The following MACROD2 variants were observed in gnomAD, a reference collection of about 807,000 sequenced individuals.
The protein encoded by MACROD2 is mono-ADP ribosylhydrolase 2.
A neutral mutation model predicts 70.4 loss-of-function variants in MACROD2; 36 were observed. The ratio of observed to expected loss-of-function variants is 0.51; its 90% confidence interval spans 0.39 to 0.68. The LOEUF (loss-of-function observed/expected upper bound fraction) is 0.68. Ranked by LOEUF, MACROD2 falls within the 30% of genes least tolerant of loss-of-function variation. The probability of loss-of-function intolerance (pLI) is 0.00; values close to 1 mark genes in which losing one functional copy is unlikely to be tolerated. For missense variants in MACROD2, 496 were observed against 538.4 expected (o/e 0.92, Z 0.78); for synonymous variants, 172 against 178.8 (o/e 0.96, Z 0.30).
intron 6 of MACROD2, among the ~76,000 whole-genome samples, chr20:15,249,252 G>A (rs1466997519): frequency 2.6e-5 from 4 of 152,152 alleles, no homozygotes; most frequent in African/African-American, 9.7e-5. Flanking sequence ...AGTCTGCAGG[G>A]GAACGCTGCA....
chr20:15,173,116 T>G (rs1395207777), intron 5 of MACROD2, among the ~76,000 whole-genome samples: 1 of 149,762 alleles, frequency 6.7e-6, no homozygotes, highest in Admixed American at 6.6e-5. Context: ...GGGACTCAAA[T>G]ATTTTGCAAA....
intron 5 of MACROD2, among the ~76,000 whole-genome samples, chr20:15,162,859 G>A (rs187863734): frequency 6.6e-6 from 1 of 152,138 alleles, no homozygotes; most frequent in Admixed American, 6.6e-5. Flanking sequence ...TATCAAAGAG[G>A]TTTATAAGAC....
At chr20:14,342,473 G>C (rs770672978) in intron 3 of MACROD2, among the ~76,000 whole-genome samples, 12 of 152,098 alleles carry the variant, frequency 7.9e-5, no homozygotes, top group Non-Finnish European at 1.5e-4. Flanking sequence ...ATGCATGTCA[G>C]GGCACATCAG....
intron 8 of MACROD2, among the ~76,000 whole-genome samples, chr20:15,587,322 C>T (rs942194248): frequency 2.6e-5 from 4 of 152,284 alleles, no homozygotes; most frequent in Non-Finnish European, 4.4e-5. Context: ...GGGTCCCTCC[C>T]ACAACACGTG....
intron 12 of MACROD2, among the ~76,000 whole-genome samples, chr20:15,953,381 CAAAGA>C (rs2065933107): frequency 6.6e-6 from 1 of 151,950 alleles, no homozygotes; most frequent in Admixed American, 6.6e-5. Context: ...GTTCCCAAAA[CAAAGA>C]AATGATAAAT....
At chr20:15,045,273 A>G (rs2075384442) in intron 5 of MACROD2, among the ~76,000 whole-genome samples, 1 of 152,208 alleles carries the variant, frequency 6.6e-6, no homozygotes, top group African/African-American at 2.4e-5. Context: ...GCTCTTCTAA[A>G]TAATGTCTGA....
At chr20:15,811,422 A>C (rs2063820569) in intron 8 of MACROD2, among the ~76,000 whole-genome samples, 1 of 152,162 alleles carries the variant, frequency 6.6e-6, no homozygotes, top group Non-Finnish European at 1.5e-5. Flanking sequence ...GGCAATCATT[A>C]AAAAGTCAGG....
intron 5 of MACROD2, among the ~76,000 whole-genome samples, chr20:15,123,471 A>G (rs1420456645): frequency 6.6e-6 from 1 of 152,210 alleles, no homozygotes; most frequent in Non-Finnish European, 1.5e-5. Context: ...AGTGCACAAT[A>G]CACATTGGAT....
rs71192307 is a variant in MACROD2 at position 15,948,382 on chromosome 20, C to CAAAAAAAAAA, written c.907+10859_907+10868dup. ...TTCACTCTATTAAATCTTGCAACTG[C>CAAAAAAAAAA]AAAAAAAAAAAAAAAAAAAAAAAAA... On this transcript the variant is annotated intron_variant, in intron 12 of 17. Coordinates refer to ENST00000684519, the MANE Select transcript of MACROD2 (RefSeq NM_001351661.2). 2.3e-3 allele frequency among the ~76,000 whole-genome samples: 99 copies of CAAAAAAAAAA among 43,140 alleles called. 1 individual carries two copies. The highest frequency in any genetic ancestry group is 3.2e-3 in the South Asian group (3 of 948). The allele number at this position is 43,140 out of a possible 152,430, so 28.3% of individuals were successfully genotyped here. A position where few individuals can be genotyped will look rare whatever the true frequency, so the allele number is the denominator to read the frequency against.
chr20:14,970,215 A>G (rs1447858350), intron 5 of MACROD2, among the ~76,000 whole-genome samples: 1 of 152,096 alleles, frequency 6.6e-6, no homozygotes, highest in Non-Finnish European at 1.5e-5. Flanking sequence ...CCCATGATTC[A>G]ATTGCCTTCT....
chr20:15,383,702 C>T (rs1266916682), intron 6 of MACROD2, among the ~76,000 whole-genome samples: 1 of 152,124 alleles, frequency 6.6e-6, no homozygotes, highest in Non-Finnish European at 1.5e-5. Context: ...TTTTCTGGTG[C>T]ACTTCCCAGA....
intron 6 of MACROD2, among the ~76,000 whole-genome samples, chr20:15,358,790 G>A (rs906594415): frequency 1.3e-5 from 2 of 149,764 alleles, no homozygotes; most frequent in Non-Finnish European, 2.9e-5. Flanking sequence ...TCCAGATGGC[G>A]AAGAAGAAGA....
At chr20:15,837,357 C>T (rs1476632626) in intron 8 of MACROD2, among the ~76,000 whole-genome samples, 1 of 152,070 alleles carries the variant, frequency 6.6e-6, no homozygotes, top group African/African-American at 2.4e-5. Context: ...AATGGGACCC[C>T]TTTTCTCCGT....
intron 5 of MACROD2, among the ~76,000 whole-genome samples, chr20:14,876,009 G>T (rs1344419993): frequency 6.6e-6 from 1 of 152,098 alleles, no homozygotes; most frequent in Non-Finnish European, 1.5e-5. Context: ...GGGTCAAATT[G>T]TAGTTCTGTT....
chr20:14,063,762 C>G (rs6110154), intron 2 of MACROD2, among the ~76,000 whole-genome samples: 22,653 of 152,102 alleles, frequency 0.15, 1,896 homozygotes, highest in Admixed American at 0.22. Context: ...GGGTCTCACT[C>G]TGCAGCCCAG....
intron 7 of MACROD2, among the ~76,000 whole-genome samples, chr20:15,459,313 T>C (rs1176806537): frequency 6.6e-6 from 1 of 152,082 alleles, no homozygotes; most frequent in African/African-American, 2.4e-5. Flanking sequence ...CGCTCTCCCC[T>C]TTAGAGTACT....
intron 5 of MACROD2, among the ~76,000 whole-genome samples, chr20:15,160,407 G>A (rs928536295): frequency 1.3e-5 from 2 of 152,024 alleles, no homozygotes; most frequent in Non-Finnish European, 2.9e-5. Context: ...TTGCAATTTC[G>A]GCAACTTTTC....
At chr20:14,415,951 T>C (rs1230320268) in intron 3 of MACROD2, among the ~76,000 whole-genome samples, 3 of 148,974 alleles carry the variant, frequency 2.0e-5, no homozygotes, top group African/African-American at 4.9e-5. Flanking sequence ...TTTACCTTTC[T>C]GTTGTCCTCT....
chr20:15,102,618 C>G (rs2075881557), intron 5 of MACROD2, among the ~76,000 whole-genome samples: 1 of 151,782 alleles, frequency 6.6e-6, no homozygotes, highest in Non-Finnish European at 1.5e-5. Context: ...ACAATATTTT[C>G]CAAAAATGTA....
Sources: allele counts gnomAD v4.1 joint callset (sites outside exome capture counted in the v4.1 genomes callset), GRCh38; gene constraint gnomAD v4.1.1; transcripts MANE v1.5; gene names NCBI Gene and HGNC (gene_info 2026-07-23, HGNC 2026-07-21).